Variants in FECH observed in about 807,000 individuals in gnomAD.
FECH encodes ferrochelatase.
FECH carries 40 observed loss-of-function variants against 56.9 expected under a neutral mutation model. The observed-to-expected ratio is 0.70, with a 90% CI of 0.55 to 0.92. The LOEUF (loss-of-function observed/expected upper bound fraction) is 0.92, where lower values mean the gene tolerates loss of function less well. Ranked by LOEUF, FECH falls within the 40% of genes least tolerant of loss-of-function variation. The probability of loss-of-function intolerance (pLI) is 0.00; values close to 1 mark genes in which losing one functional copy is unlikely to be tolerated. For synonymous variants in FECH, 175 were observed against 198.6 expected (o/e 0.88, Z 1.00); for missense variants, 431 against 529.1 (o/e 0.81, Z 1.82).
At chr18:57,567,666 C>A (rs998478600) in intron 4 of FECH, among the ~76,000 whole-genome samples, 1 of 152,180 alleles carries the variant, frequency 6.6e-6, no homozygotes, top group Non-Finnish European at 1.5e-5. Context: ...TAAATTGCCA[C>A]AAGAAACATT....
At chr18:57,580,495 C>T (rs948260190) in intron 1 of FECH, among the ~76,000 whole-genome samples, 1 of 152,130 alleles carries the variant, frequency 6.6e-6, no homozygotes, top group Non-Finnish European at 1.5e-5. Context: ...TCACAAGAAC[C>T]CCTGCACGAG....
At chr18:57,559,440 C>T (rs1445236409) in intron 6 of FECH, among the ~76,000 whole-genome samples, 197 bp from the exon 7 acceptor site, 1 of 152,134 alleles carries the variant, frequency 6.6e-6, no homozygotes, top group Non-Finnish European at 1.5e-5. Context: ...ATAACAGTTT[C>T]AGGGGCCTAG....
In FECH at chr18:57,554,942, C is replaced by T; in HGVS notation, c.815G>A (p.Arg272Lys). ...TACCTCCTGAGGATATGGGTCGCCTCTGTTGACCACCTGCAGCAGAGACAC... is the reference window on the plus strand; with the variant it reads ...TACCTCCTGAGGATATGGGTCGCCTTTGTTGACCACCTGCAGCAGAGACAC... ...AHSLPMSVVN[R>K]GDPYPQEVSA... Residue 272 changes from arginine (R) to lysine (K), a missense_variant, in exon 8 of 11, where the codon AGA (arginine) becomes AAA (lysine). Arg to Lys is a conservative substitution (Grantham distance 26). Coordinates refer to ENST00000262093, the MANE Select transcript of FECH (RefSeq NM_000140.5). 12 of 1,614,006 alleles carry T rather than the reference C, an allele frequency of 7.4e-6. No homozygotes were observed. The highest frequency in any genetic ancestry group is 1.0e-5 in the Non-Finnish European group (12 of 1,179,900).
In FECH at chr18:57,549,422, G is replaced by A. The variant is rs2050765846; in HGVS notation, c.*1290C>T. On this transcript the variant is annotated 3_prime_UTR_variant, in exon 11 of 11. Transcript: ENST00000262093. ...CCTAATACTTCCACTTTATAAACTG[G>A]CTAAAAAAAAAAAAAAAAAGAAACG... 7.0e-5 allele frequency: 1 copy of A among 14,236 alleles called. No individual in the cohort carries two copies. The allele number at this position is 14,236 out of a possible 1,614,324, so 0.9% of individuals were successfully genotyped here. A position where few individuals can be genotyped will look rare whatever the true frequency, so the allele number is the denominator to read the frequency against.
chr18:57,580,396 G>T (rs2051260017), intron 1 of FECH, among the ~76,000 whole-genome samples, 197 bp from the exon 2 acceptor site: 1 of 152,080 alleles, frequency 6.6e-6, no homozygotes, highest in Non-Finnish European at 1.5e-5. Flanking sequence ...CGCTCCCCTA[G>T]GATGGCCGAT....
In FECH at chr18:57,581,791, G is replaced by A. The variant is rs139052374; in HGVS notation, c.68-1592C>T. ...TTTCAATTGTCAGTTTCTAGAGGAC[G>A]GGAACTATACCTGCTCTGATTTTAT... is the stretch of plus-strand genomic sequence containing the variant. On this transcript the variant is annotated intron_variant, in intron 1 of 10. Coordinates refer to ENST00000262093, the MANE Select transcript of FECH (RefSeq NM_000140.5). 4.9e-4 allele frequency among the ~76,000 whole-genome samples: 74 copies of A among 152,256 alleles called. 1 individual carries two copies. In the East Asian group the frequency reaches 0.011, roughly 22 times the overall value.
intron 7 of FECH, among the ~76,000 whole-genome samples, chr18:57,556,070 A>G (rs775319053): frequency 7.9e-5 from 12 of 152,254 alleles, no homozygotes; most frequent in Non-Finnish European, 1.6e-4. Flanking sequence ...CGGAAGCTGC[A>G]GTGAGCCGAG....
In FECH at chr18:57,547,023, A is replaced by G. The variant is rs1225043012; in HGVS notation, c.*3689T>C. 6.6e-6 allele frequency among the ~76,000 whole-genome samples: 1 copy of G among 151,498 alleles called. No homozygotes were observed. Among genetic ancestry groups the G allele is most frequent in the African/African-American group, 2.4e-5 (1 of 41,206 alleles). Reference sequence around the variant, plus strand: ...GTTTCAGACTTGCACAGTGGAGTGCAGTGGTGCATGGGGCCTGTAGCCCCT... The same window carrying G: ...GTTTCAGACTTGCACAGTGGAGTGCGGTGGTGCATGGGGCCTGTAGCCCCT... On this transcript the variant is annotated 3_prime_UTR_variant, in exon 11 of 11. Coordinates refer to ENST00000262093, the MANE Select transcript of FECH (RefSeq NM_000140.5).
chr18:57,553,675 G>A (rs1598980065), intron 9 of FECH, among the ~76,000 whole-genome samples: 1 of 152,316 alleles, frequency 6.6e-6, no homozygotes, highest in East Asian at 1.9e-4. Flanking sequence ...ACCAAAGATG[G>A]TATTTGTTAT....
At chr18:57,554,502 C>CAA in intron 8 of FECH, 78 bp from the exon 9 acceptor site, 2 of 1,491,638 alleles carry the variant, frequency 1.3e-6, no homozygotes, top group Non-Finnish European at 1.9e-6. Context: ...CCCCCCTGGG[C>CAA]ACACGCACTG....
intron 3 of FECH, among the ~76,000 whole-genome samples, chr18:57,571,980 G>C (rs567550945): frequency 2.6e-5 from 4 of 152,334 alleles, no homozygotes; most frequent in South Asian, 2.1e-4. Context: ...GTATGCACAA[G>C]AATGTTCACT....
At chr18:57,586,431 G>C in intron 1 of FECH, 123 bp downstream of exon 1, 1 of 1,093,404 alleles carries the variant, frequency 9.1e-7, no homozygotes, top group Non-Finnish European at 1.3e-6. Context: ...CCGGTTGCTC[G>C]CAGCACCCCC....
At chr18:57,563,583 A>C (rs76878754) in intron 5 of FECH, among the ~76,000 whole-genome samples, 139 of 148,700 alleles carry the variant, frequency 9.3e-4, no homozygotes, top group Non-Finnish European at 1.9e-3. Context: ...TCCGTCCCAA[A>C]AAAAAAAAAA....
chr18:57,556,804 G>A (rs556699126), intron 7 of FECH, among the ~76,000 whole-genome samples: 13 of 151,162 alleles, frequency 8.6e-5, no homozygotes, highest in Admixed American at 7.9e-4. Context: ...CCAGTCACTC[G>A]GGAGGCTGAG....
intron 6 of FECH, among the ~76,000 whole-genome samples, chr18:57,560,265 G>T (rs2050926047): frequency 1.3e-5 from 2 of 152,158 alleles, no homozygotes; most frequent in South Asian, 4.1e-4. Context: ...GTCAGAAAAA[G>T]AAATCATGTT....
At chr18:57,560,015 T>C (rs150629280) in intron 6 of FECH, among the ~76,000 whole-genome samples, 78 of 152,352 alleles carry the variant, frequency 5.1e-4, no homozygotes, top group African/African-American at 1.8e-3. Flanking sequence ...TTTCGTCTTA[T>C]ACTTTAATCA....
In FECH at chr18:57,554,914, G is replaced by A. The variant is rs578140170; in HGVS notation, c.843C>T (p.Ser281=). 1.5e-5 allele frequency: 25 copies of A among 1,614,072 alleles called. No individual in the cohort carries two copies. Among genetic ancestry groups the A allele is most frequent in the East Asian group, 4.5e-5 (2 of 44,874 alleles). The change falls in exon 8 of 11, where the codon AGC becomes AGT. Residue 281 remains serine (S), a synonymous_variant. Coordinates refer to ENST00000262093, the MANE Select transcript of FECH (RefSeq NM_000140.5). ...TTTCCATGACTTTTTGGACAGTGGCGCTTACCTCCTGAGGATATGGGTCGC... is the reference window on the plus strand; with the variant it reads ...TTTCCATGACTTTTTGGACAGTGGCACTTACCTCCTGAGGATATGGGTCGC... ...NRGDPYPQEV[S]ATVQKVMERL...
rs1409084507 is a variant in FECH, at chr18:57,562,835, G to A, written c.705+39C>T. On this transcript the variant is annotated intron_variant, in intron 6 of 10. Transcript: ENST00000262093. ...AGGGATGAGAAGCTGATTCACACTA[G>A]ATGCTGGGGTGACAGGCAGCTGGCA... 7.9e-6 allele frequency: 12 copies of A among 1,518,874 alleles called. No individual in the cohort carries two copies. The South Asian group carries it at 1.1e-4, about 14-fold the overall frequency. The allele number at this position is 1,518,874 out of a possible 1,614,324, so 94.1% of individuals were successfully genotyped here. A position where few individuals can be genotyped will look rare whatever the true frequency, so the allele number is the denominator to read the frequency against.
chr18:57,574,921 G>A (rs1435141842), intron 2 of FECH, among the ~76,000 whole-genome samples: 1 of 152,132 alleles, frequency 6.6e-6, no homozygotes, highest in East Asian at 1.9e-4. Context: ...AAACCATCAC[G>A]ACTATCTAAC....
Sources: allele counts gnomAD v4.1 joint callset (sites outside exome capture counted in the v4.1 genomes callset), GRCh38; gene constraint gnomAD v4.1.1; transcripts MANE v1.5; gene names NCBI Gene and HGNC (gene_info 2026-07-23, HGNC 2026-07-21).